PTPRD: variants seen among roughly 807,000 people sequenced by gnomAD.
PTPRD encodes the protein protein tyrosine phosphatase receptor type D.
PTPRD carries 34 observed loss-of-function variants against 214.5 expected under a neutral mutation model. That is an observed-to-expected ratio of 0.16 (90% CI 0.12 to 0.21). PTPRD has a LOEUF of 0.21. Ranked by LOEUF, PTPRD falls within the 10% of genes least tolerant of loss-of-function variation. PTPRD has a pLI of 1.00. For missense variants in PTPRD, 2,545 were observed against 2,398.7 expected, an observed-to-expected ratio of 1.06 and a Z score of -1.27; for synonymous variants, 1,128 against 845.7, an observed-to-expected ratio of 1.33 and a Z score of -5.79.
chr9:9,062,976 T>G (rs1300659026), intron 10 of PTPRD, among the ~76,000 whole-genome samples: 1 of 152,152 alleles, frequency 6.6e-6, no homozygotes, highest in Non-Finnish European at 1.5e-5. Context: ...GTATGAGAAA[T>G]GTAATATCAC....
chr9:9,606,405 G>T (rs1029602576), intron 7 of PTPRD, among the ~76,000 whole-genome samples: 2 of 151,852 alleles, frequency 1.3e-5, no homozygotes, highest in African/African-American at 4.8e-5. Context: ...ATAAAATCTG[G>T]TGTTTTTTTG....
intron 11 of PTPRD, among the ~76,000 whole-genome samples, chr9:8,985,314 A>T (rs1350744504): frequency 2.6e-5 from 4 of 152,086 alleles, no homozygotes; most frequent in Non-Finnish European, 5.9e-5. Flanking sequence ...TCAATATAAA[A>T]ATTTTTATGT....
At chr9:9,247,622 C>G (rs1288143143) in intron 9 of PTPRD, among the ~76,000 whole-genome samples, 1 of 152,026 alleles carries the variant, frequency 6.6e-6, no homozygotes, top group Non-Finnish European at 1.5e-5. Context: ...TTCAACTCTA[C>G]ATAGCCAAAG....
At chr9:8,485,388 C>A in intron 28 of PTPRD, 64 bp from the exon 29 acceptor site, 1 of 1,142,868 alleles carries the variant, frequency 8.7e-7, no homozygotes, top group South Asian at 1.3e-5. Context: ...GTCCTTTCCA[C>A]CATGGACCAT....
rs1434519424 is a variant in PTPRD, at chr9:8,767,126, C to CT, written c.-103-33181dup. 5.3e-5 allele frequency among the ~76,000 whole-genome samples: 8 copies of CT among 151,260 alleles called. No homozygotes were observed. In the East Asian group the frequency reaches 5.8e-4, roughly 11 times the overall value. ...ATAAAATATTTCCCCACTTTTTTTT[C>CT]TTTTTTTTGAGATGGAGTTTTGCTC... On this transcript the variant is annotated intron_variant, in intron 11 of 45. Coordinates refer to ENST00000381196, the MANE Select transcript of PTPRD (RefSeq NM_002839.4).
chr9:10,524,807 A>G (rs1019055160), intron 2 of PTPRD, among the ~76,000 whole-genome samples: 1 of 151,994 alleles, frequency 6.6e-6, no homozygotes, highest in African/African-American at 2.4e-5. Context: ...ATTATAGGCT[A>G]TTTTTATTTC....
chr9:9,833,317 C>A (rs1030711415), intron 5 of PTPRD, among the ~76,000 whole-genome samples: 1 of 151,854 alleles, frequency 6.6e-6, no homozygotes, highest in African/African-American at 2.4e-5. Context: ...ATCCGTGATG[C>A]CCCACAAGCC....
At chr9:9,365,643 G>A (rs1041262744) in intron 9 of PTPRD, among the ~76,000 whole-genome samples, 1 of 151,448 alleles carries the variant, frequency 6.6e-6, no homozygotes, top group Middle Eastern at 3.2e-3. Context: ...AAATGTCTAT[G>A]TTTTTTCAAA....
At chr9:9,452,892 C>T (rs2092442967) in intron 8 of PTPRD, among the ~76,000 whole-genome samples, 1 of 151,422 alleles carries the variant, frequency 6.6e-6, no homozygotes, top group Non-Finnish European at 1.5e-5. Context: ...AGATAAATCA[C>T]AAAACAAGCA....
At chr9:10,568,196 T>C (rs985127305) in intron 2 of PTPRD, among the ~76,000 whole-genome samples, 1 of 145,084 alleles carries the variant, frequency 6.9e-6, no homozygotes, top group African/African-American at 2.5e-5. Flanking sequence ...AATTCCCACC[T>C]ATGAGTGAGA....
chr9:9,798,112 A>T (rs868194319), intron 5 of PTPRD, among the ~76,000 whole-genome samples: 21 of 152,158 alleles, frequency 1.4e-4, no homozygotes, highest in Admixed American at 1.2e-3. Flanking sequence ...ACCAAGTGAT[A>T]TTGGGGGCCC....
chr9:8,957,873 A>C (rs1304981618), intron 11 of PTPRD, among the ~76,000 whole-genome samples: 2 of 151,836 alleles, frequency 1.3e-5, no homozygotes, highest in Non-Finnish European at 1.5e-5. Flanking sequence ...AGGACAAAAC[A>C]GAAAAGAATG....
chr9:9,007,043 T>C (rs139879584), intron 11 of PTPRD, among the ~76,000 whole-genome samples: 1,709 of 152,076 alleles, frequency 0.011, 12 homozygotes, highest in South Asian at 0.023. Flanking sequence ...TAAGTTCAGC[T>C]TATCTTAACT....
At chr9:9,893,952 A>G (rs944307769) in intron 5 of PTPRD, among the ~76,000 whole-genome samples, 4 of 151,994 alleles carry the variant, frequency 2.6e-5, no homozygotes, top group Non-Finnish European at 5.9e-5. Context: ...AGCTAAGACC[A>G]CAAGTGCACA....
intron 4 of PTPRD, among the ~76,000 whole-genome samples, chr9:9,992,647 G>A (rs1238404656): frequency 6.6e-6 from 1 of 152,210 alleles, no homozygotes; most frequent in African/African-American, 2.4e-5. Flanking sequence ...CATGTCCTTT[G>A]TAGGGACATG....
At chr9:10,131,778 C>G (rs1023214891) in intron 3 of PTPRD, among the ~76,000 whole-genome samples, 3 of 152,060 alleles carry the variant, frequency 2.0e-5, no homozygotes, top group Non-Finnish European at 2.9e-5. Flanking sequence ...TCACAATTTT[C>G]TAAAGCTACC....
chr9:10,082,664 AG>A (rs1305326512), intron 3 of PTPRD, among the ~76,000 whole-genome samples: 1 of 151,988 alleles, frequency 6.6e-6, no homozygotes, highest in African/African-American at 2.4e-5. Context: ...CCTGATCCCT[AG>A]TAGTGCACTT....
At chr9:8,594,596 C>T (rs1316073203) in intron 14 of PTPRD, among the ~76,000 whole-genome samples, 2 of 152,012 alleles carry the variant, frequency 1.3e-5, no homozygotes, top group African/African-American at 4.8e-5. Flanking sequence ...GGCAGTTTCC[C>T]CCATGCTATT....
intron 3 of PTPRD, among the ~76,000 whole-genome samples, chr9:10,098,485 A>T (rs202195451): frequency 6.6e-6 from 1 of 151,726 alleles, no homozygotes; most frequent in Non-Finnish European, 1.5e-5. Flanking sequence ...CTAAAACTTA[A>T]AGTATAATAA....
Sources: gnomAD v4.1 joint callset for allele counts (sites outside exome capture counted in the v4.1 genomes callset) on GRCh38, gnomAD v4.1.1 for gene constraint, MANE v1.5 for transcripts, NCBI Gene and HGNC (gene_info 2026-07-23, HGNC 2026-07-21) for gene names.